The following MAP3K4 variants were observed in gnomAD, a reference collection of about 807,000 sequenced individuals.
The protein encoded by MAP3K4 is mitogen-activated protein kinase kinase kinase 4, also known as MAP three kinase 1.
A neutral mutation model predicts 185.6 loss-of-function variants in MAP3K4; 67 were observed. The observed-to-expected ratio is 0.36, with a 90% CI of 0.30 to 0.44. MAP3K4 has a LOEUF of 0.44. Among genes scored for constraint, MAP3K4 ranks in the 20% least tolerant of loss-of-function variants. MAP3K4 has a pLI of 1.00. For synonymous variants in MAP3K4, 702 were observed against 710.4 expected (o/e 0.99, Z 0.19); for missense variants, 1,551 against 1,995.1 (o/e 0.78, Z 4.24).
chr6:161,041,636 A>G (rs1448262647), intron 2 of MAP3K4, among the ~76,000 whole-genome samples: 2 of 152,190 alleles, frequency 1.3e-5, no homozygotes, highest in East Asian at 1.9e-4. Flanking sequence ...CATCTTCCTG[A>G]TGCCTCGGAC....
rs558011538 is a variant in MAP3K4 at position 161,072,080 on chromosome 6, C to T, written c.1950+1230C>T. On this transcript the variant is annotated intron_variant, in intron 4 of 26. Transcript: ENST00000392142. ...GAAAGCAGAAATTTTGGTTTAAATG[C>T]ATTCAAAGATCAGTTACAAGCACCT... 5.3e-5 allele frequency among the ~76,000 whole-genome samples: 8 copies of T among 152,278 alleles called. No individual in the cohort carries two copies. In the South Asian group the frequency reaches 8.3e-4, roughly 16 times the overall value.
chr6:161,099,093 G>A (rs778648324), intron 17 of MAP3K4, among the ~76,000 whole-genome samples: 8 of 152,196 alleles, frequency 5.3e-5, no homozygotes, highest in Non-Finnish European at 1.2e-4. Flanking sequence ...CCTAAGTGGA[G>A]GAAGAGCTGT....
chr6:161,062,193 A>G (rs979313536), intron 3 of MAP3K4, among the ~76,000 whole-genome samples: 1 of 152,092 alleles, frequency 6.6e-6, no homozygotes, highest in Non-Finnish European at 1.5e-5. Flanking sequence ...TTTGAGCTAT[A>G]TTGGAATTAT....
intron 1 of MAP3K4, among the ~76,000 whole-genome samples, chr6:161,015,601 G>A (rs939029358): frequency 3.3e-5 from 5 of 152,148 alleles, no homozygotes; most frequent in Non-Finnish European, 5.9e-5. Context: ...TCTGCTTCCG[G>A]TGAGGGCCTC....
At chr6:161,011,013 T>C (rs1464118860) in intron 1 of MAP3K4, among the ~76,000 whole-genome samples, 3 of 152,180 alleles carry the variant, frequency 2.0e-5, no homozygotes, top group Non-Finnish European at 2.9e-5. Flanking sequence ...CATTGGTGTG[T>C]AATTCTTGAA....
rs201739422 is a variant in MAP3K4, at chr6:161,091,401, A to G, written c.2996A>G (p.Asn999Ser). 3.5e-5 allele frequency: 56 copies of G among 1,613,912 alleles called. No homozygotes were observed. In the East Asian group the frequency reaches 1.2e-3, roughly 35 times the overall value. ...CAGAATGATGCATTGGAGCTATGCA[A>G]CAGGATAAGCAATGCCATTGACCGC... ...QLKNDALELCNRISNAIDRVD... is the reference protein window; with the variant it reads ...QLKNDALELCSRISNAIDRVD... The change falls in exon 12 of 27, where the codon AAC (asparagine) becomes AGC (serine). Residue 999 changes from asparagine to serine, a missense_variant. By Grantham distance (46) the Asn-to-Ser change is conservative. Coordinates refer to ENST00000392142, the MANE Select transcript of MAP3K4 (RefSeq NM_005922.4). This position sits in a 1 kb window ranked among gnomAD's most constrained non-coding sequence, Gnocchi z 5.5.
At chr6:161,014,249 C>G (rs1781977878) in intron 1 of MAP3K4, among the ~76,000 whole-genome samples, 1 of 152,138 alleles carries the variant, frequency 6.6e-6, no homozygotes, top group African/African-American at 2.4e-5. Context: ...TGCAAGATTT[C>G]TACCCCTTTT....
In MAP3K4 at chr6:161,008,087, GAT is replaced by G. The variant is rs1331056012; in HGVS notation, c.152+16006_152+16007del. 6.6e-6 allele frequency among the ~76,000 whole-genome samples: 1 copy of G among 152,144 alleles called. No homozygotes were observed. On this transcript the variant is annotated intron_variant, in intron 1 of 26. Transcript: ENST00000392142. This position sits in a 1 kb window ranked among gnomAD's most constrained non-coding sequence, Gnocchi z 4.1. ...AAGAAGGTAGAAAGGCAGAAAGTGG[GAT>G]AGAGTGGAAAGTGGGATGCAGTGAT... is the stretch of plus-strand genomic sequence containing the variant.
In MAP3K4 at chr6:161,077,726, A is replaced by G. The variant is rs1259902500; in HGVS notation, c.2098-3155A>G. ...GACTCGGGTGGATCAAATGTGAACA[A>G]GGTGTTGGGAGTGACTGTGGGTGTC... On this transcript the variant is annotated intron_variant, in intron 5 of 26. Coordinates refer to ENST00000392142, the MANE Select transcript of MAP3K4 (RefSeq NM_005922.4). This position sits in a 1 kb window ranked among gnomAD's most constrained non-coding sequence, Gnocchi z 4.3. 6.6e-6 allele frequency among the ~76,000 whole-genome samples: 1 copy of G among 152,190 alleles called. No individual in the cohort carries two copies. The highest frequency in any genetic ancestry group is 1.5e-5 in the Non-Finnish European group (1 of 68,032).
chr6:161,044,248 G>A (rs534640545), intron 2 of MAP3K4, among the ~76,000 whole-genome samples: 3 of 152,274 alleles, frequency 2.0e-5, no homozygotes, highest in Non-Finnish European at 4.4e-5. Context: ...AACTATTTTT[G>A]TAGTCCTGTA....
In MAP3K4 at chr6:161,110,114, TC is replaced by T. The variant is rs1160063962; in HGVS notation, c.4396+201del. Reference sequence around the variant, plus strand: ...TCTCTCTACCCAGGAGTCCGCTCTTTCTGTTCAACACTGCTTTTAGAGAAAT... The same window carrying T: ...TCTCTCTACCCAGGAGTCCGCTCTTTTGTTCAACACTGCTTTTAGAGAAAT... On this transcript the variant is annotated intron_variant, in intron 23 of 26. Transcript: ENST00000392142. The surrounding 1 kb of genome is among the most constrained non-coding windows in gnomAD (Gnocchi z 4.8). 3.9e-5 allele frequency among the ~76,000 whole-genome samples: 6 copies of T among 152,200 alleles called. No individual in the cohort carries two copies. The highest frequency in any genetic ancestry group is 1.4e-4 in the African/African-American group (6 of 41,446).
In MAP3K4 at chr6:161,049,375, A is replaced by T; in HGVS notation, c.1103A>T (p.Tyr368Phe). The T allele has an allele frequency of 6.2e-7, 1 of 1,614,214 alleles. No homozygotes were observed. Among genetic ancestry groups the T allele is most frequent in the Non-Finnish European group, 8.5e-7 (1 of 1,180,038 alleles). ...CTGCTAGAGTACATAGAAGCACTTT[A>T]TCCATCATTGCAGGCTCTTCAGAAG... is the stretch of plus-strand genomic sequence containing the variant. The part of the protein sequence containing the change: ...MELLEYIEAL[Y>F]PSLQALQKDY... The change falls in exon 3 of 27, where the codon TAT (tyrosine) becomes TTT (phenylalanine). Residue 368 changes from tyrosine to phenylalanine, a missense_variant. By Grantham distance (22) the Tyr-to-Phe change is conservative (BLOSUM62 3). Coordinates refer to ENST00000392142, the MANE Select transcript of MAP3K4 (RefSeq NM_005922.4). This position sits in a 1 kb window ranked among gnomAD's most constrained non-coding sequence, Gnocchi z 8.4.
At position 161,051,485 on chromosome 6, in the gene MAP3K4, T is replaced by G. The variant is rs1783999460; in HGVS notation, c.1707+1506T>G. On this transcript the variant is annotated intron_variant, in intron 3 of 26. Coordinates refer to ENST00000392142, the MANE Select transcript of MAP3K4 (RefSeq NM_005922.4). The surrounding 1 kb of genome is among the most constrained non-coding windows in gnomAD (Gnocchi z 4.2). ...TAAGAGATTTACTTTGAATATTATT[T>G]TGATTAGAAATCTTAAACATGAATG... 6.6e-6 allele frequency among the ~76,000 whole-genome samples: 1 copy of G among 152,258 alleles called. No homozygotes were observed. Among genetic ancestry groups the G allele is most frequent in the South Asian group, 2.1e-4 (1 of 4,838 alleles).
intron 19 of MAP3K4, among the ~76,000 whole-genome samples, chr6:161,105,838 G>GT (rs5881392): frequency 0.011 from 1,420 of 132,598 alleles, 12 homozygotes; most frequent in Non-Finnish European, 0.014. Context: ...TTGGTTTTTT[G>GT]TTTTTTTTTT....
rs770284671 is a variant in MAP3K4 at position 161,048,641 on chromosome 6, T to C, written c.369T>C (p.Pro123=). Residue 123 remains proline, a synonymous_variant, in exon 3 of 27, where the codon CCT becomes CCC. Transcript: ENST00000392142. The surrounding 1 kb of genome is among the most constrained non-coding windows in gnomAD (Gnocchi z 4.7). ...LKEKMNAPNQ[P]PHKDTGKTVE... ...AAAAAATGAATGCACCAAATCAGCC[T>C]CCACATAAAGACACTGGAAAAACAG... is the stretch of plus-strand genomic sequence containing the variant. 6.3e-7 allele frequency: 1 copy of C among 1,593,452 alleles called. No homozygotes were observed. The highest frequency in any genetic ancestry group is 1.4e-5 in the African/African-American group (1 of 73,406).
In MAP3K4 at chr6:161,087,440, G is replaced by A. The variant is rs1785785112; in HGVS notation, c.2557-248G>A. On this transcript the variant is annotated intron_variant, in intron 9 of 26. Coordinates refer to ENST00000392142, the MANE Select transcript of MAP3K4 (RefSeq NM_005922.4). This position sits in a 1 kb window ranked among gnomAD's most constrained non-coding sequence, Gnocchi z 4.9. Reference sequence around the variant, plus strand: ...TTTCTTTGTTGTTGAAAATAAAGCAGTGAGGAGGATGTCCAATAATCGGGG... The same window carrying A: ...TTTCTTTGTTGTTGAAAATAAAGCAATGAGGAGGATGTCCAATAATCGGGG... Among the ~76,000 whole-genome samples, 1 of 152,204 alleles carries A rather than the reference G, an allele frequency of 6.6e-6. No individual in the cohort carries two copies. The highest frequency in any genetic ancestry group is 1.5e-5 in the Non-Finnish European group (1 of 68,036).
In MAP3K4 at chr6:161,109,636, A is replaced by G; in HGVS notation, c.4237-119A>G. On this transcript the variant is annotated intron_variant, in intron 22 of 26. Coordinates refer to ENST00000392142, the MANE Select transcript of MAP3K4 (RefSeq NM_005922.4). This position sits in a 1 kb window ranked among gnomAD's most constrained non-coding sequence, Gnocchi z 5.7. ...ATTCAGTGCTCAGGATGGCAAGTGT[A>G]GTATACCGTTAGAAAGAACATTCCT... 1.0e-6 allele frequency: 1 copy of G among 973,726 alleles called. No homozygotes were observed. The highest frequency in any genetic ancestry group is 1.6e-5 in the African/African-American group (1 of 62,492). The allele number at this position is 973,726 out of a possible 1,614,324, so 60.3% of individuals were successfully genotyped here.
intron 19 of MAP3K4, 109 bp downstream of exon 19, chr6:161,102,888 C>T (rs1777899304): frequency 1.5e-6 from 1 of 650,568 alleles, no homozygotes; most frequent in African/African-American, 1.8e-5. Flanking sequence ...ATTATTAGGC[C>T]TCCTCCATTA....
intron 1 of MAP3K4, among the ~76,000 whole-genome samples, chr6:161,018,946 G>GA (rs1201921441): frequency 2.0e-5 from 3 of 152,170 alleles, no homozygotes; most frequent in African/African-American, 7.2e-5. Context: ...AGACACTGCA[G>GA]AAAAACATCA....
Sources: allele counts gnomAD v4.1 joint callset (sites outside exome capture counted in the v4.1 genomes callset), GRCh38; gene constraint gnomAD v4.1.1; non-coding constraint Gnocchi (gnomAD v3.1); transcripts MANE v1.5; gene names NCBI Gene and HGNC (gene_info 2026-07-23, HGNC 2026-07-21).